The following NDFIP1 variants were observed in gnomAD, a reference collection of about 807,000 sequenced individuals.
The protein encoded by NDFIP1 is NEDD4 family-interacting protein 1.
In NDFIP1, 7 loss-of-function variants were observed where a neutral mutation model predicts 28.8. The ratio of observed to expected loss-of-function variants is 0.24; its 90% CI spans 0.14 to 0.46. NDFIP1 has a LOEUF of 0.46. Ranked by LOEUF, NDFIP1 falls within the 20% of genes least tolerant of loss-of-function variation. The pLI, the probability that NDFIP1 is intolerant of heterozygous loss-of-function variation, is 0.99. For synonymous variants in NDFIP1, 92 were observed against 101.0 expected (o/e 0.91, Z 0.53); for missense variants, 194 against 269.1 (o/e 0.72, Z 1.95).
At chr5:142,132,378 C>G in intron 3 of NDFIP1, 36 bp downstream of exon 3, 1 of 1,592,610 alleles carries the variant, frequency 6.3e-7, no homozygotes, top group South Asian at 1.2e-5. Context: ...GATGGCTGCT[C>G]TGTGGGAATT....
chr5:142,110,834 A>G (rs1367553030), intron 1 of NDFIP1, among the ~76,000 whole-genome samples: 1 of 147,614 alleles, frequency 6.8e-6, no homozygotes, highest in Admixed American at 6.9e-5. Flanking sequence ...CAACAATCAC[A>G]GTATTAAGTA....
At chr5:142,141,589 G>A in intron 6 of NDFIP1, among the ~76,000 whole-genome samples, 1 of 152,282 alleles carries the variant, frequency 6.6e-6, no homozygotes, top group East Asian at 1.9e-4. Context: ...TTGATTATAT[G>A]TAAAGAAAAT....
intron 1 of NDFIP1, among the ~76,000 whole-genome samples, chr5:142,118,408 G>C (rs114112207): frequency 6.6e-6 from 1 of 152,100 alleles, no homozygotes. Flanking sequence ...CCTCAATTGG[G>C]GTTTGTTTGA....
chr5:142,131,685 A>G, intron 1 of NDFIP1, 123 bp from the exon 2 acceptor site: 2 of 655,684 alleles, frequency 3.1e-6, no homozygotes, highest in Non-Finnish European at 2.5e-6. Context: ...GGATTTGTGC[A>G]TTTCAAGGCT....
chr5:142,132,264 T>G lies in NDFIP1; in HGVS notation c.204T>G (p.Asn68Lys). The change falls in exon 3 of 8, where the codon AAT becomes AAG. Residue 68 changes from asparagine to lysine, a missense_variant. Transcript: ENST00000253814. ...GGTTTCCAAAGCCCCCATCTTACAA[T>G]GTAGCTACAACACTGCCCAGTTATG... ...ESGFPKPPSY[N>K]VATTLPSYDE... 4 of 1,614,158 alleles carry G rather than the reference T, an allele frequency of 2.5e-6. No homozygotes were observed. Among genetic ancestry groups the G allele is most frequent in the Non-Finnish European group, 2.5e-6 (3 of 1,180,024 alleles).
chr5:142,123,031 C>T (rs890234422), intron 1 of NDFIP1, among the ~76,000 whole-genome samples: 2 of 151,708 alleles, frequency 1.3e-5, no homozygotes, highest in Non-Finnish European at 2.9e-5. Context: ...GGGGTAATCT[C>T]GGCTCACTGC....
At chr5:142,134,497 A>G (rs1757255441) in intron 3 of NDFIP1, among the ~76,000 whole-genome samples, 1 of 152,234 alleles carries the variant, frequency 6.6e-6, no homozygotes, top group African/African-American at 2.4e-5. Context: ...ATGTTAAGTT[A>G]GAAAAGGAAG....
intron 1 of NDFIP1, among the ~76,000 whole-genome samples, chr5:142,128,410 T>TA (rs1225624431): frequency 1.3e-5 from 2 of 152,210 alleles, no homozygotes; most frequent in East Asian, 3.8e-4. Context: ...ATCAATTTTA[T>TA]AGCACACTCT....
chr5:142,110,731 T>A (rs1413248080), intron 1 of NDFIP1, among the ~76,000 whole-genome samples: 1 of 152,192 alleles, frequency 6.6e-6, no homozygotes, highest in Non-Finnish European at 1.5e-5. Context: ...TGCATTCTTG[T>A]GGGTTTATAG....
At chr5:142,133,109 A>G (rs576296474) in intron 3 of NDFIP1, among the ~76,000 whole-genome samples, 1 of 152,362 alleles carries the variant, frequency 6.6e-6, no homozygotes, top group African/African-American at 2.4e-5. Context: ...GTGTGATGGC[A>G]TAGGCCCAGA....
At position 142,121,392 on chromosome 5, in the gene NDFIP1, A is replaced by G. The variant is rs572098239; in HGVS notation, c.64-10416A>G. Among the ~76,000 whole-genome samples the G allele has an allele frequency of 2.6e-5, 4 of 152,260 alleles. No homozygotes were observed. In the East Asian group the frequency reaches 7.7e-4, roughly 29 times the overall value. On this transcript the variant is annotated intron_variant, in intron 1 of 7. Coordinates refer to ENST00000253814, the MANE Select transcript of NDFIP1 (RefSeq NM_030571.4). ...ACTATAAAGCCATACTATTCTTTTC[A>G]TTTTTATTGTGAAATTATGGATACA...
intron 1 of NDFIP1, among the ~76,000 whole-genome samples, chr5:142,128,256 G>A (rs1053606335): frequency 3.9e-5 from 6 of 152,134 alleles, no homozygotes; most frequent in Non-Finnish European, 5.9e-5. Context: ...TAACCCAAAC[G>A]TGACAATGCC....
At chr5:142,111,838 G>T (rs1464126873) in intron 1 of NDFIP1, among the ~76,000 whole-genome samples, 3 of 149,462 alleles carry the variant, frequency 2.0e-5, no homozygotes, top group Non-Finnish European at 4.5e-5. Flanking sequence ...AGGCCGAGGT[G>T]GGCGGATCAC....
Position 142,108,798 on chromosome 5 carries a change from CGG to C in NDFIP1, c.-176_-175del. On this transcript the variant is annotated 5_prime_UTR_variant, in exon 1 of 8. Transcript: ENST00000253814. ...TTCCCCAGGGGCCGCGTCGGAGCCTCGGCGGCGGCGGCGGTGCTTACAGCCTG... is the reference window on the plus strand; with the variant it reads ...TTCCCCAGGGGCCGCGTCGGAGCCTCCGGCGGCGGCGGTGCTTACAGCCTG... 1.8e-5 allele frequency: 8 copies of C among 439,384 alleles called. No homozygotes were observed. Among genetic ancestry groups the C allele is most frequent in the South Asian group, 5.9e-5 (1 of 17,066 alleles). 27.2% of individuals were successfully genotyped at this position (439,384 alleles called of 1,614,324 possible).
intron 1 of NDFIP1, among the ~76,000 whole-genome samples, chr5:142,125,012 G>A (rs958544013): frequency 6.6e-6 from 1 of 152,106 alleles, no homozygotes; most frequent in Admixed American, 6.5e-5. Context: ...ATTTTTAGTA[G>A]AGATGGGGTT....
At chr5:142,109,635 G>GGA (rs1366759408) in intron 1 of NDFIP1, among the ~76,000 whole-genome samples, 3 of 152,302 alleles carry the variant, frequency 2.0e-5, no homozygotes, top group Admixed American at 2.0e-4. Flanking sequence ...GCCCCAAAAG[G>GGA]GAGAGCTACG....
intron 4 of NDFIP1, 43 bp from the exon 5 acceptor site, chr5:142,137,691 A>T: frequency 6.2e-7 from 1 of 1,607,690 alleles, no homozygotes; most frequent in Non-Finnish European, 8.5e-7. Context: ...GTTCTTGGGT[A>T]ACAGGACATG....
chr5:142,136,924 AGCCG>A (rs1486187709), intron 4 of NDFIP1, among the ~76,000 whole-genome samples: 7 of 89,296 alleles, frequency 7.8e-5, no homozygotes, highest in Non-Finnish European at 1.1e-4. Context: ...ATTAGCCGTT[AGCCG>A]GGCCTGGCGG....
intron 1 of NDFIP1, among the ~76,000 whole-genome samples, chr5:142,128,357 G>A (rs1315058428): frequency 1.3e-5 from 2 of 152,114 alleles, no homozygotes; most frequent in Non-Finnish European, 2.9e-5. Flanking sequence ...GGTTCCCAGG[G>A]GTGGAAAAGG....
Sources: gnomAD v4.1 joint callset for allele counts (sites outside exome capture counted in the v4.1 genomes callset) on GRCh38, gnomAD v4.1.1 for gene constraint, MANE v1.5 for transcripts, NCBI Gene and HGNC (gene_info 2026-07-23, HGNC 2026-07-21) for gene names.